The following CSMD1 variants were observed in gnomAD, a reference collection of about 807,000 sequenced individuals.
The protein encoded by CSMD1 is CUB and Sushi multiple domains 1.
Under a neutral mutation model 417.5 loss-of-function variants are expected in CSMD1, and 213 were observed. That is an observed-to-expected ratio of 0.51 (90% CI 0.46 to 0.57). The LOEUF is 0.57. Ranked by LOEUF, CSMD1 falls within the 20% of genes least tolerant of loss-of-function variation. The pLI, the probability that CSMD1 is intolerant of heterozygous loss-of-function variation, is 0.00. For missense variants in CSMD1, 6,923 were observed against 4,529.7 expected, an observed-to-expected ratio of 1.53 and a Z score of -15.17; for synonymous variants, 2,862 against 1,736.8, an observed-to-expected ratio of 1.65 and a Z score of -16.11.
chr8:3,121,718 A>G lies in CSMD1; in HGVS notation c.6242-3131T>C, dbSNP rs564095678. ...GGAGGCTGGGGCAGGAGGACTGCTT[A>G]AGGCCAGGAGTCGAATGCTGCAGTG... On this transcript the variant is annotated intron_variant, in intron 41 of 69. Transcript: ENST00000635120. Among the ~76,000 whole-genome samples the G allele has an allele frequency of 2.6e-5, 4 of 152,204 alleles. No individual in the cohort carries two copies. In the East Asian group the frequency reaches 5.8e-4, roughly 22 times the overall value.
intron 3 of CSMD1, among the ~76,000 whole-genome samples, chr8:4,375,705 C>A (rs1181287408): frequency 6.6e-6 from 1 of 152,142 alleles, no homozygotes; most frequent in East Asian, 1.9e-4. Flanking sequence ...TAAAGGTCTG[C>A]ATGACTGTTT....
At chr8:4,182,759 C>G (rs930630517) in intron 3 of CSMD1, among the ~76,000 whole-genome samples, 3 of 151,752 alleles carry the variant, frequency 2.0e-5, no homozygotes, top group African/African-American at 7.3e-5. Flanking sequence ...TTTTTTCTCA[C>G]TAGTAATGCA....
chr8:3,429,966 CTGTATGTA>C (rs534036626), intron 12 of CSMD1, among the ~76,000 whole-genome samples: 31 of 151,950 alleles, frequency 2.0e-4, no homozygotes, highest in Non-Finnish European at 3.2e-4. Context: ...TAATCGATAT[CTGTATGTA>C]TGTATGTATG....
intron 2 of CSMD1, among the ~76,000 whole-genome samples, chr8:4,433,665 A>G (rs1230687352): frequency 6.6e-6 from 1 of 152,040 alleles, no homozygotes; most frequent in Non-Finnish European, 1.5e-5. Context: ...AAAGAGCTAC[A>G]CTCTCCCACT....
At chr8:4,175,537 G>A (rs918713658) in intron 3 of CSMD1, among the ~76,000 whole-genome samples, 4 of 152,122 alleles carry the variant, frequency 2.6e-5, no homozygotes, top group Non-Finnish European at 4.4e-5. Context: ...ATGGATAAAT[G>A]TAGACATGAT....
chr8:4,036,914 C>G (rs576911036), intron 3 of CSMD1, among the ~76,000 whole-genome samples: 1 of 151,992 alleles, frequency 6.6e-6, no homozygotes. Flanking sequence ...GCATGTTAGG[C>G]TCATTGGCAT....
At chr8:3,527,277 G>C (rs572507217) in intron 10 of CSMD1, among the ~76,000 whole-genome samples, 1 of 152,250 alleles carries the variant, frequency 6.6e-6, no homozygotes, top group South Asian at 2.1e-4. Context: ...ATTATAATGG[G>C]AGAAATCAGC....
intron 1 of CSMD1, among the ~76,000 whole-genome samples, chr8:4,931,806 C>T (rs113627291): frequency 0.046 from 7,051 of 152,196 alleles, 192 homozygotes; most frequent in African/African-American, 0.058. Context: ...CATTTGCAAA[C>T]ATTTTAGCTT....
At chr8:3,503,971 G>C (rs965152756) in intron 10 of CSMD1, among the ~76,000 whole-genome samples, 3 of 152,052 alleles carry the variant, frequency 2.0e-5, no homozygotes, top group Non-Finnish European at 4.4e-5. Context: ...AGAAGTGGTT[G>C]ATTTTGGGGT....
rs552754047 is a variant in CSMD1 at position 4,265,622 on chromosome 8, G to C, written c.415+154331C>G. 2.9e-3 allele frequency among the ~76,000 whole-genome samples: 300 copies of C among 105,106 alleles called. 45 individuals carry two copies. The highest frequency in any genetic ancestry group is 7.7e-3 in the African/African-American group (296 of 38,616). The allele number at this position is 105,106 out of a possible 152,430, so 69.0% of individuals were successfully genotyped here. ...CAAGGATAATTATTAAAAATAATGA[G>C]ATTAAAAACAAATATATTAGGGAAA... is the stretch of plus-strand genomic sequence containing the variant. On this transcript the variant is annotated intron_variant, in intron 3 of 69. Coordinates refer to ENST00000635120, the MANE Select transcript of CSMD1 (RefSeq NM_033225.6).
chr8:3,733,954 T>C (rs1252019582), intron 6 of CSMD1, among the ~76,000 whole-genome samples: 1 of 152,114 alleles, frequency 6.6e-6, no homozygotes, highest in Non-Finnish European at 1.5e-5. Context: ...ACTGGGGTCC[T>C]GAAACTTATC....
At chr8:4,353,734 G>T (rs1801231031) in intron 3 of CSMD1, among the ~76,000 whole-genome samples, 1 of 145,882 alleles carries the variant, frequency 6.9e-6, no homozygotes, top group African/African-American at 2.5e-5. Context: ...TTTTTGTTGG[G>T]GTTCATGGAG....
At chr8:4,305,848 T>C (rs189527700) in intron 3 of CSMD1, among the ~76,000 whole-genome samples, 2 of 152,324 alleles carry the variant, frequency 1.3e-5, no homozygotes, top group South Asian at 2.1e-4. Flanking sequence ...CGATCTTGTA[T>C]GGATCCCCTT....
At position 4,485,611 on chromosome 8, in the gene CSMD1, A is replaced by C. The variant is rs151004972; in HGVS notation, c.303-65546T>G. Among the ~76,000 whole-genome samples, 467 of 152,264 alleles carry C rather than the reference A, an allele frequency of 3.1e-3. 6 individuals carry two copies. The highest frequency in any genetic ancestry group is 0.011 in the African/African-American group (443 of 41,536). ...GGATGTTCAAGCTAGAAAATGGATAATGCTTTCTACTATTAAAATTGATCT... is the reference window on the plus strand; with the variant it reads ...GGATGTTCAAGCTAGAAAATGGATACTGCTTTCTACTATTAAAATTGATCT... On this transcript the variant is annotated intron_variant, in intron 2 of 69. Coordinates refer to ENST00000635120, the MANE Select transcript of CSMD1 (RefSeq NM_033225.6).
intron 2 of CSMD1, among the ~76,000 whole-genome samples, chr8:4,578,395 G>T (rs1470620636): frequency 2.4e-5 from 3 of 126,662 alleles, no homozygotes; most frequent in African/African-American, 6.0e-5. Flanking sequence ...TAGCCAGGAT[G>T]TTCTCGATCT....
rs77461180 is a variant in CSMD1 at position 4,555,784 on chromosome 8, T to C, written c.302+81558A>G. On this transcript the variant is annotated intron_variant, in intron 2 of 69. Coordinates refer to ENST00000635120, the MANE Select transcript of CSMD1 (RefSeq NM_033225.6). ...TAACAAATGCAAAATAATACTGAGA[T>C]TGAAAGAAAATTAGAAAACCTATTA... 7.4e-3 allele frequency among the ~76,000 whole-genome samples: 1,132 copies of C among 152,210 alleles called. 19 individuals are homozygous for C. In the East Asian group the frequency reaches 0.086, roughly 12 times the overall value.
intron 5 of CSMD1, among the ~76,000 whole-genome samples, chr8:3,779,882 AT>A (rs1799085222): frequency 6.6e-6 from 1 of 152,172 alleles, no homozygotes; most frequent in African/African-American, 2.4e-5. Context: ...ATTTAGTTTC[AT>A]TTATTTTTTT....
chr8:4,644,925 T>C (rs1480934043), intron 1 of CSMD1, among the ~76,000 whole-genome samples: 3 of 151,980 alleles, frequency 2.0e-5, no homozygotes, highest in Non-Finnish European at 4.4e-5. Context: ...GTGTGGGAGG[T>C]AGAGGTGGTC....
chr8:4,279,135 C>A (rs7011065), intron 3 of CSMD1, among the ~76,000 whole-genome samples: 131,331 of 152,110 alleles, frequency 0.86, 57,629 homozygotes, highest in East Asian at 0.97. Flanking sequence ...TGAGCATCTC[C>A]GTTTAGACGT....
Sources: gnomAD v4.1 joint callset for allele counts (sites outside exome capture counted in the v4.1 genomes callset) on GRCh38, gnomAD v4.1.1 for gene constraint, MANE v1.5 for transcripts, NCBI Gene and HGNC (gene_info 2026-07-23, HGNC 2026-07-21) for gene names.